The following SPTAN1 variants were observed in gnomAD, a reference collection of about 807,000 sequenced individuals.
SPTAN1 encodes the protein spectrin alpha, non-erythrocytic 1.
Under a neutral mutation model 331.3 loss-of-function variants are expected in SPTAN1, and 61 were observed. That is an observed-to-expected ratio of 0.18 (90% confidence interval 0.15 to 0.23). SPTAN1 has a LOEUF of 0.23. Among genes scored for constraint, SPTAN1 ranks in the 10% least tolerant of loss-of-function variants. The pLI is 1.00. For synonymous variants in SPTAN1, 1,153 were observed against 1,173.9 expected (o/e 0.98, Z 0.36); for missense variants, 2,043 against 3,147.9 (o/e 0.65, Z 8.40).
intron 37 of SPTAN1, among the ~76,000 whole-genome samples, chr9:128,610,327 A>G (rs1856423976): frequency 6.6e-6 from 1 of 152,240 alleles, no homozygotes. Context: ...GATTTGAACC[A>G]AAGGGTGATC....
chr9:128,626,636 T>C lies in SPTAN1; in HGVS notation c.6525T>C (p.Phe2175=). Residue 2175 remains phenylalanine, a synonymous_variant, in exon 49 of 57, where the codon TTT becomes TTC. Transcript: ENST00000372739. Reference sequence around the variant, plus strand: ...TAGCCTCCAACCCCTACACCTGGTTTACCATGGAGGCCCTGGAGGAGACCT... The same window carrying C: ...TAGCCTCCAACCCCTACACCTGGTTCACCATGGAGGCCCTGGAGGAGACCT... ...FRVASNPYTW[F]TMEALEETWR... is the part of the protein sequence containing the mutation. 6.2e-7 allele frequency: 1 copy of C among 1,613,690 alleles called. No homozygotes were observed. Among genetic ancestry groups the C allele is most frequent in the Non-Finnish European group, 8.5e-7 (1 of 1,179,878 alleles).
At position 128,628,550 on chromosome 9, in the gene SPTAN1, TG is replaced by T. The variant is rs1201657625; in HGVS notation, c.6707+611del. On this transcript the variant is annotated intron_variant, in intron 51 of 56. Coordinates refer to ENST00000372739, the MANE Select transcript of SPTAN1 (RefSeq NM_001130438.3). ...GAGGAGCCCCAGGGAGGAGCAGGGC[TG>T]GGCTGTCCCGCCCAGTCCCGGCAGG... 2.9e-5 allele frequency: 7 copies of T among 244,632 alleles called. No individual in the cohort carries two copies. In the Admixed American group the frequency reaches 3.0e-4, roughly 11 times the overall value. The allele number at this position is 244,632 out of a possible 1,614,324, so 15.2% of individuals were successfully genotyped here.
At chr9:128,580,290 AT>A (rs996661179) in intron 10 of SPTAN1, among the ~76,000 whole-genome samples, 6 of 151,314 alleles carry the variant, frequency 4.0e-5, no homozygotes, top group Non-Finnish European at 7.4e-5. Context: ...CTAAAAAAAA[AT>A]AAATAAATAA....
chr9:128,624,994 T>C (rs1216065325), intron 46 of SPTAN1, 109 bp from the exon 47 acceptor site: 11 of 1,053,270 alleles, frequency 1.0e-5, no homozygotes, highest in African/African-American at 4.7e-5. Context: ...GTTAGGAAGA[T>C]TGGGATTTAT....
At chr9:128,580,804 C>CG (rs1472518065) in intron 10 of SPTAN1, 118 bp from the exon 11 acceptor site, 3 of 1,438,054 alleles carry the variant, frequency 2.1e-6, no homozygotes, top group Non-Finnish European at 2.9e-6. Flanking sequence ...TTTTGCAAAT[C>CG]GGAAAAAAGG....
At chr9:128,603,486 G>C in intron 27 of SPTAN1, 57 bp from the exon 28 acceptor site, 1 of 1,600,702 alleles carries the variant, frequency 6.2e-7, no homozygotes, top group Non-Finnish European at 8.6e-7. Context: ...TTGCAGCTCA[G>C]ATCTCTAATT....
chr9:128,617,365 T>A (rs139117026), intron 41 of SPTAN1, among the ~76,000 whole-genome samples: 120 of 152,254 alleles, frequency 7.9e-4, no homozygotes, highest in African/African-American at 2.7e-3. Flanking sequence ...TTGATAGGGC[T>A]CCTCAGGGCA....
chr9:128,580,978 G>A lies in SPTAN1; in HGVS notation c.1380G>A (p.Arg460=), dbSNP rs747085191. 4.3e-6 allele frequency: 7 copies of A among 1,613,990 alleles called. No individual in the cohort carries two copies. The South Asian group carries it at 6.6e-5, about 15-fold the overall frequency. The change falls in exon 11 of 57, where the codon AGG becomes AGA. Residue 460 remains arginine (R), a synonymous_variant. Coordinates refer to ENST00000372739, the MANE Select transcript of SPTAN1 (RefSeq NM_001130438.3). ...AALLELWELR[R]QQYEQCMDLQ... ...TGCTGGAGCTGTGGGAGCTGCGCAG[G>A]CAGCAGTACGAGCAGTGCATGGACC...
chr9:128,556,949 C>G (rs1357167356), intron 1 of SPTAN1, among the ~76,000 whole-genome samples: 1 of 152,208 alleles, frequency 6.6e-6, no homozygotes, highest in Non-Finnish European at 1.5e-5. Flanking sequence ...GGAAGCCCTT[C>G]CACATCCATG....
At chr9:128,554,069 CAAATT>C (rs1351127379) in intron 1 of SPTAN1, among the ~76,000 whole-genome samples, 3 of 151,932 alleles carry the variant, frequency 2.0e-5, no homozygotes, top group Non-Finnish European at 4.4e-5. Context: ...TTTGAAAGGT[CAAATT>C]GAATGTGCTG....
At chr9:128,574,462 G>GC (rs1311746581) in intron 3 of SPTAN1, among the ~76,000 whole-genome samples, 1 of 151,880 alleles carries the variant, frequency 6.6e-6, no homozygotes, top group Non-Finnish European at 1.5e-5. Flanking sequence ...CTACCTACTT[G>GC]TAACTTGAAG....
intron 40 of SPTAN1, among the ~76,000 whole-genome samples, chr9:128,613,869 G>A (rs1856828311): frequency 1.3e-5 from 2 of 152,116 alleles, no homozygotes; most frequent in South Asian, 2.1e-4. Flanking sequence ...GCCGGGCGTG[G>A]TGGTGGCTGC....
intron 1 of SPTAN1, among the ~76,000 whole-genome samples, chr9:128,561,542 A>G (rs1201332478): frequency 1.3e-5 from 2 of 151,120 alleles, no homozygotes; most frequent in East Asian, 3.9e-4. Flanking sequence ...GGATGCTTGT[A>G]GTCCCAGCTA....
chr9:128,593,828 C>T (rs754265582), intron 23 of SPTAN1: 57 of 338,490 alleles, frequency 1.7e-4, no homozygotes, highest in Admixed American at 5.0e-4. Context: ...AAGTTCATCT[C>T]GTCTCTCCAC....
At chr9:128,572,347 T>C (rs993959528) in intron 3 of SPTAN1, among the ~76,000 whole-genome samples, 28 of 152,336 alleles carry the variant, frequency 1.8e-4, no homozygotes, top group African/African-American at 6.7e-4. Context: ...CCTGCCTCCC[T>C]GCCCACTCAC....
chr9:128,623,470 G>GT (rs1001550104), intron 45 of SPTAN1, among the ~76,000 whole-genome samples: 91 of 147,632 alleles, frequency 6.2e-4, no homozygotes, highest in African/African-American at 2.3e-3. Context: ...CGTTTTTTTT[G>GT]TTTGAGACAG....
At chr9:128,588,588 C>G (rs1359779034) in intron 20 of SPTAN1, among the ~76,000 whole-genome samples, 1 of 151,864 alleles carries the variant, frequency 6.6e-6, no homozygotes, top group Non-Finnish European at 1.5e-5. Context: ...TGAGATTACA[C>G]GTATGAGCCA....
intron 1 of SPTAN1, chr9:128,555,249 T>A: frequency 1.2e-6 from 1 of 826,216 alleles, no homozygotes; most frequent in Non-Finnish European, 1.7e-6. Context: ...ATTGGATTTT[T>A]AATCTGTATT....
At chr9:128,597,957 T>A (rs113887407) in intron 24 of SPTAN1, among the ~76,000 whole-genome samples, 3,478 of 151,366 alleles carry the variant, frequency 0.023, 132 homozygotes, top group African/African-American at 0.08. Context: ...CCTGTTTTGT[T>A]TTGTTTTTGA....
Sources: allele counts gnomAD v4.1 joint callset (sites outside exome capture counted in the v4.1 genomes callset), GRCh38; gene constraint gnomAD v4.1.1; transcripts MANE v1.5; gene names NCBI Gene and HGNC (gene_info 2026-07-23, HGNC 2026-07-21).